Variants in DEUP1 observed in about 807,000 individuals in gnomAD.
DEUP1 encodes deuterosome assembly protein 1.
In DEUP1, 82 loss-of-function variants were observed where a neutral mutation model predicts 87.4. The ratio of observed to expected loss-of-function variants is 0.94; its 90% CI spans 0.78 to 1.13. DEUP1 has a LOEUF of 1.13. Among genes scored for constraint, DEUP1 ranks in the 50% most tolerant of loss-of-function variants. The pLI is 0.00. For missense variants in DEUP1, 663 were observed against 681.5 expected, an observed-to-expected ratio of 0.97 and a Z score of 0.30; for synonymous variants, 214 against 222.7, an observed-to-expected ratio of 0.96 and a Z score of 0.35.
chr11:93,397,528 TA>T (rs1490954003), intron 11 of DEUP1, among the ~76,000 whole-genome samples: 2 of 152,212 alleles, frequency 1.3e-5, no homozygotes, highest in African/African-American at 4.8e-5. Flanking sequence ...TGAATGTTTT[TA>T]AGTGTATATT....
rs1404710704 is a variant in DEUP1 at position 93,373,616 on chromosome 11, TATATATAC to T, written c.789+2337_789+2344del. Among the ~76,000 whole-genome samples the T allele has an allele frequency of 9.8e-3, 424 of 43,208 alleles. 4 individuals carry two copies. Among genetic ancestry groups the T allele is most frequent in the African/African-American group, 0.018 (383 of 21,064 alleles). The allele number at this position is 43,208 out of a possible 152,430, so 28.3% of individuals were successfully genotyped here. On this transcript the variant is annotated intron_variant, in intron 7 of 13. Coordinates refer to ENST00000298050, the MANE Select transcript of DEUP1 (RefSeq NM_181645.4). ...ATACGTATATATATTTATATATGTA[TATATATAC>T]GTATATATATATATATATATATATA...
At chr11:93,344,803 G>A (rs61919164) in intron 2 of DEUP1, among the ~76,000 whole-genome samples, 8,426 of 151,378 alleles carry the variant, frequency 0.056, 426 homozygotes, top group East Asian at 0.22. Flanking sequence ...TCTTGCCAAT[G>A]TGAAAATGGA....
chr11:93,344,142 A>G (rs1417670101), intron 2 of DEUP1, among the ~76,000 whole-genome samples: 2 of 152,212 alleles, frequency 1.3e-5, no homozygotes, highest in East Asian at 1.9e-4. Flanking sequence ...TTAGTGTTTT[A>G]GAACAGACAG....
chr11:93,409,061 T>C (rs1419217852), intron 12 of DEUP1, among the ~76,000 whole-genome samples: 1 of 152,184 alleles, frequency 6.6e-6, no homozygotes, highest in Non-Finnish European at 1.5e-5. Context: ...TTCACTATGT[T>C]GGCCAGGCTG....
intron 13 of DEUP1, among the ~76,000 whole-genome samples, chr11:93,415,442 A>T (rs909076321): frequency 2.0e-5 from 3 of 152,174 alleles, no homozygotes; most frequent in Non-Finnish European, 4.4e-5. Flanking sequence ...CGTATATTTT[A>T]AAGAGCTACA....
At chr11:93,420,608 A>G (rs1378373123) in intron 13 of DEUP1, among the ~76,000 whole-genome samples, 3 of 146,252 alleles carry the variant, frequency 2.1e-5, no homozygotes, top group Admixed American at 1.4e-4. Flanking sequence ...AATTAGGAAA[A>G]GAGGAAGTCA....
intron 12 of DEUP1, among the ~76,000 whole-genome samples, chr11:93,411,518 A>G (rs533195102): frequency 3.9e-4 from 60 of 152,282 alleles, no homozygotes; most frequent in African/African-American, 1.3e-3. Context: ...GCATTTTAGG[A>G]TATTCTAAAG....
At chr11:93,402,892 G>A (rs1947163606) in intron 11 of DEUP1, among the ~76,000 whole-genome samples, 1 of 151,778 alleles carries the variant, frequency 6.6e-6, no homozygotes, top group Admixed American at 6.6e-5. Context: ...GGAGAATGAA[G>A]AGAAGTTGGT....
intron 2 of DEUP1, among the ~76,000 whole-genome samples, chr11:93,340,319 C>T (rs1377913166): frequency 6.6e-6 from 1 of 152,092 alleles, no homozygotes; most frequent in South Asian, 2.1e-4. Flanking sequence ...GAGGAATCAG[C>T]AAAAGCAAAG....
At chr11:93,428,878 C>G (rs1008599264) in intron 13 of DEUP1, among the ~76,000 whole-genome samples, 4 of 152,112 alleles carry the variant, frequency 2.6e-5, no homozygotes, top group Non-Finnish European at 5.9e-5. Context: ...GCTCTACTGT[C>G]TAACACATGG....
intron 7 of DEUP1, among the ~76,000 whole-genome samples, chr11:93,371,707 T>A (rs1292693142): frequency 6.6e-6 from 1 of 152,200 alleles, no homozygotes; most frequent in Non-Finnish European, 1.5e-5. Flanking sequence ...CAGTGATTTA[T>A]CACTGGTAAT....
chr11:93,437,751 C>CG lies in DEUP1; in HGVS notation c.*32_*33insG. 2 of 1,045,386 alleles carry CG rather than the reference C, an allele frequency of 1.9e-6. No individual in the cohort carries two copies. Among genetic ancestry groups the CG allele is most frequent in the South Asian group, 1.5e-5 (1 of 67,242 alleles). The allele number at this position is 1,045,386 out of a possible 1,614,324, so 64.8% of individuals were successfully genotyped here. On this transcript the variant is annotated 3_prime_UTR_variant, in exon 14 of 14. Coordinates refer to ENST00000298050, the MANE Select transcript of DEUP1 (RefSeq NM_181645.4). Reference sequence around the variant, plus strand: ...AAACTTTTTTATTTGCTTCCCCCCCCCACCCCCGCCAAGAAAAAAAGCTCT... The same window carrying CG: ...AAACTTTTTTATTTGCTTCCCCCCCCGCACCCCCGCCAAGAAAAAAAGCTCT...
intron 9 of DEUP1, among the ~76,000 whole-genome samples, chr11:93,394,027 T>C (rs2134362183): frequency 6.6e-6 from 1 of 152,364 alleles, no homozygotes; most frequent in South Asian, 2.1e-4. Flanking sequence ...CAGCCTATTT[T>C]AGTTTTAAAA....
intron 13 of DEUP1, among the ~76,000 whole-genome samples, chr11:93,419,512 G>T (rs563465566): frequency 6.6e-6 from 1 of 152,118 alleles, no homozygotes; most frequent in Non-Finnish European, 1.5e-5. Context: ...CTCCCCTGGT[G>T]CTGACATTGA....
intron 10 of DEUP1, among the ~76,000 whole-genome samples, chr11:93,395,548 A>G (rs1270665738): frequency 6.6e-6 from 1 of 152,218 alleles, no homozygotes; most frequent in African/African-American, 2.4e-5. Context: ...ACAGGTGTTA[A>G]CAGTGATCTG....
intron 4 of DEUP1, among the ~76,000 whole-genome samples, chr11:93,360,586 CAAAT>C (rs770037885): frequency 6.6e-6 from 1 of 151,834 alleles, no homozygotes; most frequent in East Asian, 1.9e-4. Flanking sequence ...AAAGCTTTAG[CAAAT>C]AAATAATATA....
At position 93,438,152 on chromosome 11, in the gene DEUP1, A is replaced by G. The variant is rs1948299949; in HGVS notation, c.*433A>G. The G allele has an allele frequency of 6.6e-6, 1 of 152,420 alleles. No individual in the cohort carries two copies. The highest frequency in any genetic ancestry group is 1.5e-5 in the Non-Finnish European group (1 of 68,240). 9.4% of individuals were successfully genotyped at this position (152,420 alleles called of 1,614,324 possible). On this transcript the variant is annotated 3_prime_UTR_variant, in exon 14 of 14. Transcript: ENST00000298050. ...TTGTACTGGTTTTGAAAACTCAAGG[A>G]TTTTATAAATAAAAATATTTAAGTA... is the stretch of plus-strand genomic sequence containing the variant.
chr11:93,408,545 T>A (rs1404599842), intron 12 of DEUP1, 118 bp downstream of exon 12: 5 of 667,086 alleles, frequency 7.5e-6, no homozygotes, highest in Non-Finnish European at 1.2e-5. Flanking sequence ...AAATTTATAA[T>A]GATAATGCAG....
At chr11:93,330,637 G>T, upstream of DEUP1, 1 of 152,932 alleles carries the variant, frequency 6.5e-6, no homozygotes. Context: ...TTGGTCGCGC[G>T]GCGGGAGGGC....
Sources: allele counts gnomAD v4.1 joint callset (sites outside exome capture counted in the v4.1 genomes callset), GRCh38; gene constraint gnomAD v4.1.1; transcripts MANE v1.5; gene names NCBI Gene and HGNC (gene_info 2026-07-23, HGNC 2026-07-21).